Variants in R3HDM2 observed in about 807,000 individuals in gnomAD.
R3HDM2 encodes R3H domain-containing protein 2.
A neutral mutation model predicts 124.5 loss-of-function variants in R3HDM2; 38 were observed. The observed-to-expected ratio is 0.31, with a 90% CI of 0.24 to 0.40. R3HDM2 has a LOEUF of 0.40. R3HDM2 is among the 10% of genes least tolerant of loss of function. R3HDM2 has a pLI of 1.00. For missense variants in R3HDM2, 869 were observed against 1,236.9 expected (o/e 0.70, Z 4.46); for synonymous variants, 391 against 448.0 (o/e 0.87, Z 1.61).
intron 2 of R3HDM2, among the ~76,000 whole-genome samples, chr12:57,363,852 C>A (rs2062257017): frequency 6.6e-6 from 1 of 151,436 alleles, no homozygotes; most frequent in African/African-American, 2.4e-5. Context: ...CCTGGGCAAC[C>A]AAGACTCCAT....
intron 2 of R3HDM2, among the ~76,000 whole-genome samples, chr12:57,336,994 C>A (rs760904786): frequency 3.9e-5 from 6 of 152,122 alleles, no homozygotes; most frequent in Non-Finnish European, 8.8e-5. Flanking sequence ...AAGTCTAGAT[C>A]TCATGTGTTA....
At chr12:57,403,991 C>T (rs2068282438) in intron 1 of R3HDM2, among the ~76,000 whole-genome samples, 1 of 151,458 alleles carries the variant, frequency 6.6e-6, no homozygotes, top group Non-Finnish European at 1.5e-5. Context: ...AAATATCCAT[C>T]CCATGTGCTT....
In R3HDM2 at chr12:57,396,648, G is replaced by A. The variant is rs141380428; in HGVS notation, c.-105-830C>T. ...ACAAAAATTAGCCAAGTGTGTTGGC[G>A]GGCGCCTGTAATCGCAGCTACTCAG... is the stretch of plus-strand genomic sequence containing the variant. On this transcript the variant is annotated intron_variant, in intron 1 of 23. Coordinates refer to ENST00000402412, the MANE Select transcript of R3HDM2 (RefSeq NM_001394031.1). Among the ~76,000 whole-genome samples, 331 of 151,424 alleles carry A rather than the reference G, an allele frequency of 2.2e-3. 2 individuals carry two copies. The highest frequency in any genetic ancestry group is 7.5e-3 in the African/African-American group (309 of 41,326).
rs78154949 is a variant in R3HDM2, at chr12:57,355,709, G to A, written c.-36+40040C>T. 2.1e-3 allele frequency among the ~76,000 whole-genome samples: 326 copies of A among 152,220 alleles called. 9 individuals are homozygous for A. In the East Asian group the frequency reaches 0.05, roughly 23 times the overall value. On this transcript the variant is annotated intron_variant, in intron 2 of 23. Transcript: ENST00000402412. ...TGCTTCCAGACAAATTTTGTCAACT[G>A]GAATTGTATTGAATCTATGGACATG...
chr12:57,413,932 G>A (rs1258193903), intron 1 of R3HDM2, among the ~76,000 whole-genome samples: 2 of 134,062 alleles, frequency 1.5e-5, no homozygotes, highest in South Asian at 2.9e-4. Context: ...TGCAACCTCC[G>A]CCTCCCAAGT....
intron 13 of R3HDM2, 55 bp from the exon 14 acceptor site, chr12:57,280,585 A>C (rs892351838): frequency 6.8e-7 from 1 of 1,479,708 alleles, no homozygotes; most frequent in Non-Finnish European, 9.1e-7. Flanking sequence ...CGAACACATT[A>C]TCCCTGGAAG....
chr12:57,387,203 A>G (rs148675645), intron 2 of R3HDM2, among the ~76,000 whole-genome samples: 8,360 of 152,002 alleles, frequency 0.055, 652 homozygotes, highest in African/African-American at 0.18. Flanking sequence ...CCCCTTCCAC[A>G]CTGTGGAAGC....
chr12:57,292,595 G>T lies in R3HDM2; in HGVS notation c.883C>A (p.Arg295=). Residue 295 remains arginine, a synonymous_variant, in exon 11 of 24, where the codon CGA becomes AGA. Coordinates refer to ENST00000402412, the MANE Select transcript of R3HDM2 (RefSeq NM_001394031.1). ...EEREEEYQRV[R]ERIFARETGQ... ...ACCTCTCGGGCAAATATTCTCTCTC[G>T]GACCCTTTGATATTCCTCCTCTCTC... The T allele has an allele frequency of 6.5e-7, 1 of 1,549,900 alleles. No homozygotes were observed. Among genetic ancestry groups the T allele is most frequent in the Non-Finnish European group, 8.7e-7 (1 of 1,146,628 alleles).
At chr12:57,293,221 G>C (rs2049010480) in intron 10 of R3HDM2, among the ~76,000 whole-genome samples, 1 of 152,142 alleles carries the variant, frequency 6.6e-6, no homozygotes. Context: ...CAAGGGCGAA[G>C]CTAAACTCAA....
intron 2 of R3HDM2, among the ~76,000 whole-genome samples, chr12:57,312,804 A>G (rs1593116935): frequency 6.6e-6 from 1 of 151,902 alleles, no homozygotes; most frequent in South Asian, 2.1e-4. Flanking sequence ...ATTGCGCTCA[A>G]TTGCCTCCCA....
chr12:57,415,680 T>A (rs2069518479), intron 1 of R3HDM2, among the ~76,000 whole-genome samples: 1 of 151,896 alleles, frequency 6.6e-6, no homozygotes, highest in Non-Finnish European at 1.5e-5. Flanking sequence ...AGACATCAAT[T>A]TAACCAAGTG....
At chr12:57,329,493 A>C (rs1257593626) in intron 2 of R3HDM2, among the ~76,000 whole-genome samples, 2 of 152,202 alleles carry the variant, frequency 1.3e-5, no homozygotes, top group Non-Finnish European at 2.9e-5. Context: ...TAACAATTGC[A>C]AGGTGCCTGC....
At chr12:57,398,213 A>G (rs945856272) in intron 1 of R3HDM2, among the ~76,000 whole-genome samples, 20 of 152,130 alleles carry the variant, frequency 1.3e-4, no homozygotes, top group Non-Finnish European at 1.9e-4. Context: ...CTCAAAAAAA[A>G]AAAAAGAAAA....
At chr12:57,268,165 C>T in intron 18 of R3HDM2, 138 bp downstream of exon 18, 14 of 870,242 alleles carry the variant, frequency 1.6e-5, no homozygotes, top group Non-Finnish European at 2.3e-5. Context: ...AATGAACTCC[C>T]TCATATTCTA....
chr12:57,299,311 C>G (rs2050599172), intron 6 of R3HDM2, 41 bp downstream of exon 6: 2 of 1,514,084 alleles, frequency 1.3e-6, no homozygotes, highest in African/African-American at 2.8e-5. Flanking sequence ...AAGTAAAGGG[C>G]ACTGCCCTAG....
At chr12:57,350,010 T>G (rs1205704712) in intron 2 of R3HDM2, among the ~76,000 whole-genome samples, 1 of 152,000 alleles carries the variant, frequency 6.6e-6, no homozygotes, top group African/African-American at 2.4e-5. Flanking sequence ...GTCAGGAGTT[T>G]GAGACCAGCC....
chr12:57,398,514 AGTCTTACTCC>A (rs914394651), intron 1 of R3HDM2, among the ~76,000 whole-genome samples: 21 of 149,606 alleles, frequency 1.4e-4, no homozygotes, highest in African/African-American at 5.2e-4. Flanking sequence ...TTTGAGATGG[AGTCTTACTCC>A]GTCACACAGG....
chr12:57,260,501 C>T (rs1191898627), intron 19 of R3HDM2, among the ~76,000 whole-genome samples: 7 of 151,886 alleles, frequency 4.6e-5, no homozygotes, highest in Non-Finnish European at 1.0e-4. Context: ...CCTAAATCTT[C>T]ATGGTGAAAA....
At chr12:57,425,493 T>C (rs1224629576) in intron 1 of R3HDM2, among the ~76,000 whole-genome samples, 2 of 152,072 alleles carry the variant, frequency 1.3e-5, no homozygotes, top group African/African-American at 4.8e-5. Flanking sequence ...CTAGCATTCC[T>C]ACAAAGTGTT....
Sources: gnomAD v4.1 joint callset for allele counts (sites outside exome capture counted in the v4.1 genomes callset) on GRCh38, gnomAD v4.1.1 for gene constraint, MANE v1.5 for transcripts, NCBI Gene and HGNC (gene_info 2026-07-23, HGNC 2026-07-21) for gene names.